ZNF280A: variants seen among roughly 807,000 people sequenced by gnomAD.
The protein encoded by ZNF280A is suppressor of hairy wing homolog 1.
A neutral mutation model predicts 35.9 loss-of-function variants in ZNF280A; 26 were observed. The ratio of observed to expected loss-of-function variants is 0.72; its 90% confidence interval spans 0.53 to 1.01. The LOEUF is 1.01. ZNF280A is among the 50% of genes least tolerant of loss of function. The probability of loss-of-function intolerance (pLI) is 0.00; values close to 1 mark genes in which losing one functional copy is unlikely to be tolerated. For missense variants in ZNF280A, 654 were observed against 652.0 expected, an observed-to-expected ratio of 1.00 and a Z score of -0.03; for synonymous variants, 231 against 232.9, an observed-to-expected ratio of 0.99 and a Z score of 0.07.
chr22:22,513,912 A>T lies in ZNF280A; in HGVS notation c.*90T>A. ...AAAAAACAACCTGACAGTTGATGAC[A>T]TTGCTTGCTAGCATCTACAGCCACA... is the stretch of plus-strand genomic sequence containing the variant. On this transcript the variant is annotated 3_prime_UTR_variant, in exon 2 of 2. Coordinates refer to ENST00000302097, the MANE Select transcript of ZNF280A (RefSeq NM_080740.5). 5.2e-6 allele frequency: 4 copies of T among 767,174 alleles called. No homozygotes were observed. The South Asian group carries it at 6.9e-5, about 13-fold the overall frequency. 47.5% of individuals were successfully genotyped at this position (767,174 alleles called of 1,614,324 possible).
chr22:22,515,558 C>A lies in ZNF280A; in HGVS notation c.73G>T (p.Glu25Ter). 1 of 1,612,550 alleles carries A rather than the reference C, an allele frequency of 6.2e-7. No homozygotes were observed. Among genetic ancestry groups the A allele is most frequent in the Middle Eastern group, 1.7e-4 (1 of 6,040 alleles). ...ATCAGATCTGGATCTTCATCATCCT[C>A]CTCCCTTTGTTTGGATTCTCTCAAA... ...KNLRESKQREEDDEDPDLIYV... is the reference protein window; with the variant it reads ...KNLRESKQRE The change falls in exon 2 of 2, where the codon GAG (glutamate) becomes TAG (stop). Residue 25 changes from glutamate to a stop codon, truncating the protein, a stop_gained. Transcript: ENST00000302097. LOFTEE classifies it high-confidence loss of function.
rs138777404 is a variant in ZNF280A, at chr22:22,514,422, C to A, written c.1209G>T (p.Ser403=). The part of the protein sequence containing the change: ...PYVCQVCHYR[S]SVFADVETHF... ...GTGTTTCCACATCAGCAAAGACCGA[C>A]GATCTGTAATGGCAAACCTGGCACA... The change falls in exon 2 of 2, where the codon TCG becomes TCT. Residue 403 remains serine (S), a synonymous_variant. Transcript: ENST00000302097. 6.2e-7 allele frequency: 1 copy of A among 1,613,920 alleles called. No individual in the cohort carries two copies. The highest frequency in any genetic ancestry group is 1.7e-5 in the Admixed American group (1 of 59,994).
chr22:22,518,119 G>T (rs1289310122), intron 1 of ZNF280A, among the ~76,000 whole-genome samples: 1 of 151,734 alleles, frequency 6.6e-6, no homozygotes, highest in Admixed American at 6.6e-5. Flanking sequence ...TAGAGACGGG[G>T]TTTCACCGTG....
At position 22,514,330 on chromosome 22, in the gene ZNF280A, G is replaced by A; in HGVS notation, c.1301C>T (p.Thr434Ile). The change falls in exon 2 of 2, where the codon ACT becomes ATT. Residue 434 changes from threonine to isoleucine, a missense_variant. By Grantham distance (89) the Thr-to-Ile change is moderately conservative. Transcript: ENST00000302097. The part of the protein sequence containing the change: ...LCLFCLKLFK[T>I]AIPYMNHCWR... The stretch of plus-strand genomic sequence containing the variant: ...ACAATGATTCATGTATGGTATTGCA[G>A]TTTTGAAAAGTTTGAGACAAAACAG... 1.9e-6 allele frequency: 3 copies of A among 1,613,932 alleles called. No homozygotes were observed. The highest frequency in any genetic ancestry group is 2.5e-6 in the Non-Finnish European group (3 of 1,179,978).
intron 1 of ZNF280A, among the ~76,000 whole-genome samples, chr22:22,519,533 G>A (rs1201499771): frequency 1.3e-5 from 2 of 151,626 alleles, no homozygotes; most frequent in African/African-American, 2.4e-5. Flanking sequence ...CTTAGCATAC[G>A]ATTTTGTTTT....
chr22:22,515,162 C>T lies in ZNF280A; in HGVS notation c.469G>A (p.Gly157Ser). The T allele has an allele frequency of 6.2e-7, 1 of 1,613,926 alleles. No homozygotes were observed. ...GAATCAGGAGAACTCTCATTTCTGC[C>T]TCCTCCAGAGACCATAGCTCCAACT... ...CLVGAMVSGG[G>S]RNESSPDSKR... The change falls in exon 2 of 2, where the codon GGC (glycine) becomes AGC (serine). Residue 157 changes from glycine (G) to serine (S), a missense_variant. Transcript: ENST00000302097.
chr22:22,514,402 T>C lies in ZNF280A; in HGVS notation c.1229A>G (p.Glu410Gly). 3 of 1,613,922 alleles carry C rather than the reference T, an allele frequency of 1.9e-6. No homozygotes were observed. The African/African-American group carries it at 4.0e-5, about 22-fold the overall frequency. The change falls in exon 2 of 2, where the codon GAA (glutamate) becomes GGA (glycine). Residue 410 changes from glutamate (E) to glycine (G), a missense_variant. Coordinates refer to ENST00000302097, the MANE Select transcript of ZNF280A (RefSeq NM_080740.5). ...TTCATGGCACGTTCTAAAATGTGTT[T>C]CCACATCAGCAAAGACCGACGATCT... is the stretch of plus-strand genomic sequence containing the variant. Reference protein sequence around the residue: ...HYRSSVFADVETHFRTCHENT... With the variant: ...HYRSSVFADVGTHFRTCHENT...
Position 22,514,380 on chromosome 22 carries a change from A to G in ZNF280A, c.1251T>C (p.His417=). 1.2e-6 allele frequency: 2 copies of G among 1,613,920 alleles called. No homozygotes were observed. The highest frequency in any genetic ancestry group is 1.1e-5 in the South Asian group (1 of 91,072). Reference sequence around the variant, plus strand: ...GACAAAGCAAATTCTTTGTGTTTTCATGGCACGTTCTAAAATGTGTTTCCA... The same window carrying G: ...GACAAAGCAAATTCTTTGTGTTTTCGTGGCACGTTCTAAAATGTGTTTCCA... ...ADVETHFRTC[H]ENTKNLLCLF... is the part of the protein sequence containing the mutation. Residue 417 remains histidine (H), a synonymous_variant, in exon 2 of 2, where the codon CAT becomes CAC. Coordinates refer to ENST00000302097, the MANE Select transcript of ZNF280A (RefSeq NM_080740.5).
intron 1 of ZNF280A, among the ~76,000 whole-genome samples, chr22:22,516,430 C>T (rs1406637328): frequency 2.0e-5 from 3 of 151,920 alleles, no homozygotes; most frequent in Non-Finnish European, 2.9e-5. Flanking sequence ...AATCAATTAG[C>T]AAAGCTAGTC....
Position 22,515,753 on chromosome 22 carries a change from ATTACT to A in ZNF280A, c.-71-57_-71-53del, listed in dbSNP as rs1168376048. 10 of 1,438,936 alleles carry A rather than the reference ATTACT, an allele frequency of 6.9e-6. No homozygotes were observed. In the Admixed American group the frequency reaches 1.1e-4, roughly 16 times the overall value. The allele number at this position is 1,438,936 out of a possible 1,614,324, so 89.1% of individuals were successfully genotyped here. The stretch of plus-strand genomic sequence containing the variant: ...AATATTTATTTCGAAAGACAAAATC[ATTACT>A]TTATTGTATCCTCCCTTAAAACACT... On this transcript the variant is annotated intron_variant, in intron 1 of 1. Transcript: ENST00000302097.
Position 22,515,613 on chromosome 22 carries a change from C to T in ZNF280A, c.18G>A (p.Leu6=). The T allele has an allele frequency of 6.3e-7, 1 of 1,589,484 alleles. No individual in the cohort carries two copies. Among genetic ancestry groups the T allele is most frequent in the South Asian group, 1.2e-5 (1 of 86,484 alleles). MGDIF[L]CKKVESPKKN... ...TCTTTGGTGATTCCACTTTCTTACA[C>T]AAAAAGATATCTCCCATTTTCAATT... The change falls in exon 2 of 2, where the codon TTG becomes TTA. Residue 6 remains leucine, a synonymous_variant. Coordinates refer to ENST00000302097, the MANE Select transcript of ZNF280A (RefSeq NM_080740.5).
At chr22:22,518,259 A>G (rs1456078824) in intron 1 of ZNF280A, among the ~76,000 whole-genome samples, 1 of 151,710 alleles carries the variant, frequency 6.6e-6, no homozygotes, top group Non-Finnish European at 1.5e-5. Flanking sequence ...GAAAAATCCT[A>G]TTTCTTTTTG....
chr22:22,514,444 C>A lies in ZNF280A; in HGVS notation c.1187G>T (p.Cys396Phe). The change falls in exon 2 of 2, where the codon TGC becomes TTC. Residue 396 changes from cysteine (C) to phenylalanine (F), a missense_variant. By Grantham distance (205) the Cys-to-Phe change is radical. Coordinates refer to ENST00000302097, the MANE Select transcript of ZNF280A (RefSeq NM_080740.5). ...CGACGATCTGTAATGGCAAACCTGG[C>A]ACACATAAGGCATTTCGCCAGGCTT... ...HHKPGEMPYV[C>F]QVCHYRSSVF... 1.9e-6 allele frequency: 3 copies of A among 1,613,848 alleles called. No individual in the cohort carries two copies. Among genetic ancestry groups the A allele is most frequent in the Non-Finnish European group, 2.5e-6 (3 of 1,179,990 alleles).
chr22:22,519,390 A>G (rs361554), intron 1 of ZNF280A, among the ~76,000 whole-genome samples: 81,812 of 151,484 alleles, frequency 0.54, 24,311 homozygotes, highest in African/African-American at 0.79. Context: ...CCGAGATCGC[A>G]CCGTGGCACT....
rs199551761 is a variant in ZNF280A, at chr22:22,514,846, T to G, written c.785A>C (p.Asn262Thr). Reference sequence around the variant, plus strand: ...TTCTTTCTTGGGATCAAAGGTCTTGTTTTGACTTGCTAGACTTGAAATGTC... The same window carrying G: ...TTCTTTCTTGGGATCAAAGGTCTTGGTTTGACTTGCTAGACTTGAAATGTC... ...MTDISSLASQNKTFDPKKENP... is the reference protein window; with the variant it reads ...MTDISSLASQTKTFDPKKENP... Residue 262 changes from asparagine (N) to threonine (T), a missense_variant, in exon 2 of 2, where the codon AAC (asparagine) becomes ACC (threonine). Physicochemically the swap from Asn to Thr is moderately conservative, Grantham distance 65. Coordinates refer to ENST00000302097, the MANE Select transcript of ZNF280A (RefSeq NM_080740.5). 1.6e-5 allele frequency: 26 copies of G among 1,613,872 alleles called. No individual in the cohort carries two copies. The East Asian group carries it at 5.8e-4, about 36-fold the overall frequency.
At chr22:22,519,404 G>C (rs1242455813) in intron 1 of ZNF280A, among the ~76,000 whole-genome samples, 2 of 151,918 alleles carry the variant, frequency 1.3e-5, no homozygotes, top group African/African-American at 4.8e-5. Context: ...TGGCACTCCA[G>C]CCTGGGCGGC....
Position 22,514,179 on chromosome 22 carries a change from T to C in ZNF280A, c.1452A>G (p.Gln484=), listed in dbSNP as rs1433167948. The C allele has an allele frequency of 1.2e-6, 2 of 1,613,816 alleles. No homozygotes were observed. The highest frequency in any genetic ancestry group is 1.1e-5 in the South Asian group (1 of 91,026). Residue 484 remains glutamine, a synonymous_variant, in exon 2 of 2, where the codon CAA becomes CAG. Coordinates refer to ENST00000302097, the MANE Select transcript of ZNF280A (RefSeq NM_080740.5). ...HQTFKKPEQL[Q]GLPSETKVII... is the part of the protein sequence containing the mutation. ...TAACTTTTGTTTCACTAGGCAACCC[T>C]TGCAGTTGCTCCGGCTTTTTAAATG...
At chr22:22,518,680 C>T (rs361561) in intron 1 of ZNF280A, among the ~76,000 whole-genome samples, 1 of 150,326 alleles carries the variant, frequency 6.7e-6, no homozygotes, top group Non-Finnish European at 1.5e-5. Flanking sequence ...CCCAGCTACT[C>T]GGGAGGCTGA....
Position 22,515,499 on chromosome 22 carries a change from A to C in ZNF280A, c.132T>G (p.Ala44=), listed in dbSNP as rs751382013. The C allele has an allele frequency of 6.2e-7, 1 of 1,613,880 alleles. No individual in the cohort carries two copies. The highest frequency in any genetic ancestry group is 8.5e-7 in the Non-Finnish European group (1 of 1,179,974). Residue 44 remains alanine, a synonymous_variant, in exon 2 of 2, where the codon GCT becomes GCG. Transcript: ENST00000302097. The stretch of plus-strand genomic sequence containing the variant: ...AAATCATCCCGACAAAGAGAACTTC[A>C]GCATCTCTATGTACATGCTCCACCC... ...YVGVEHVHRD[A]EVLFVGMISN...
Sources: gnomAD v4.1 joint callset for allele counts (sites outside exome capture counted in the v4.1 genomes callset) on GRCh38, gnomAD v4.1.1 for gene constraint, MANE v1.5 for transcripts, NCBI Gene and HGNC (gene_info 2026-07-23, HGNC 2026-07-21) for gene names.